Variants in UBE2R2 observed in about 807,000 individuals in gnomAD.
UBE2R2 encodes ubiquitin conjugating enzyme E2 R2.
In UBE2R2, 1 loss-of-function variant was observed where a neutral mutation model predicts 27.8. The ratio of observed to expected loss-of-function variants is 0.04; its 90% CI spans 0.01 to 0.17. The LOEUF (loss-of-function observed/expected upper bound fraction) is 0.17. Among genes scored for constraint, UBE2R2 ranks in the 10% least tolerant of loss-of-function variants. The pLI is 1.00. For missense variants in UBE2R2, 100 were observed against 291.0 expected (o/e 0.34, Z 4.78); for synonymous variants, 106 against 113.3 (o/e 0.94, Z 0.41).
intron 1 of UBE2R2, among the ~76,000 whole-genome samples, chr9:33,823,842 G>T (rs1286883838): frequency 6.6e-6 from 1 of 152,152 alleles, no homozygotes; most frequent in Non-Finnish European, 1.5e-5. Flanking sequence ...AAGGTATTTG[G>T]ATAGGCAACT....
intron 1 of UBE2R2, among the ~76,000 whole-genome samples, chr9:33,854,937 C>T (rs1010771064): frequency 2.0e-5 from 3 of 151,982 alleles, no homozygotes; most frequent in African/African-American, 7.3e-5. Context: ...GTCTTGAACT[C>T]CTGGGCTCAA....
rs182558929 is a variant in UBE2R2, at chr9:33,882,511, C to T, written c.178-4370C>T. Among the ~76,000 whole-genome samples the T allele has an allele frequency of 1.6e-4, 24 of 152,264 alleles. No individual in the cohort carries two copies. The East Asian group carries it at 4.5e-3, about 28-fold the overall frequency. ...TCTTGGCCAGGCTGGTCTTGAACTC[C>T]TGACCTCGTGATCCACCCGCCTAGG... On this transcript the variant is annotated intron_variant, in intron 1 of 4. Coordinates refer to ENST00000263228, the MANE Select transcript of UBE2R2 (RefSeq NM_017811.4).
chr9:33,890,487 G>C lies in UBE2R2; in HGVS notation c.264+3520G>C, dbSNP rs930717262. On this transcript the variant is annotated intron_variant, in intron 2 of 4. Coordinates refer to ENST00000263228, the MANE Select transcript of UBE2R2 (RefSeq NM_017811.4). The stretch of plus-strand genomic sequence containing the variant: ...CAGGATAAGGCAGGAGAATCGGCTT[G>C]AACCCGGGAGGCAGAGGTTGCAGTG... 2.6e-5 allele frequency among the ~76,000 whole-genome samples: 4 copies of C among 151,986 alleles called. No homozygotes were observed. In the South Asian group the frequency reaches 6.2e-4, roughly 24 times the overall value.
At chr9:33,831,074 C>CAAAAAAAAAAAA (rs60428230) in intron 1 of UBE2R2, 1 of 88,278 alleles carries the variant, frequency 1.1e-5, no homozygotes, top group Non-Finnish European at 2.3e-5. Flanking sequence ...ACTGAACTAG[C>CAAAAAAAAAAAA]AAAAAAAAAA....
In UBE2R2 at chr9:33,881,663, T is replaced by C. The variant is rs139137619; in HGVS notation, c.178-5218T>C. ...ATATTCCTCCATTTGGGTTATCTGA[T>C]GTTTTTCTCATGACTAGAATGGGGT... On this transcript the variant is annotated intron_variant, in intron 1 of 4. Transcript: ENST00000263228. Among the ~76,000 whole-genome samples the C allele has an allele frequency of 3.9e-4, 59 of 152,310 alleles. No homozygotes were observed. The East Asian group carries it at 9.3e-3, about 24-fold the overall frequency.
At chr9:33,897,060 G>A (rs1294389517) in intron 2 of UBE2R2, among the ~76,000 whole-genome samples, 3 of 97,324 alleles carry the variant, frequency 3.1e-5, no homozygotes, top group East Asian at 4.2e-4. Flanking sequence ...TTTTTGAGAC[G>A]GAGTCTCGCT....
chr9:33,851,274 T>G (rs1433159135), intron 1 of UBE2R2, among the ~76,000 whole-genome samples: 1 of 152,236 alleles, frequency 6.6e-6, no homozygotes, highest in Non-Finnish European at 1.5e-5. Flanking sequence ...ACCATTCCTC[T>G]GAATATTTTA....
chr9:33,843,974 T>C (rs2130743340), intron 1 of UBE2R2, among the ~76,000 whole-genome samples: 1 of 152,316 alleles, frequency 6.6e-6, no homozygotes, highest in East Asian at 1.9e-4. Context: ...GTAAAAAAGC[T>C]GATTTCCAAG....
chr9:33,822,977 T>C (rs1389884422), intron 1 of UBE2R2, among the ~76,000 whole-genome samples: 1 of 150,318 alleles, frequency 6.7e-6, no homozygotes, highest in Non-Finnish European at 1.5e-5. Flanking sequence ...TGATTTCGGC[T>C]CACTGCAACC....
chr9:33,836,294 A>T (rs1019433276), intron 1 of UBE2R2, among the ~76,000 whole-genome samples: 1 of 152,334 alleles, frequency 6.6e-6, no homozygotes, highest in East Asian at 1.9e-4. Flanking sequence ...AGCCTATACC[A>T]TCTAGGTACA....
At chr9:33,841,824 G>A (rs184553857) in intron 1 of UBE2R2, among the ~76,000 whole-genome samples, 2 of 152,222 alleles carry the variant, frequency 1.3e-5, no homozygotes, top group Non-Finnish European at 2.9e-5. Context: ...ATATTACACA[G>A]TAGTCTCAGA....
intron 2 of UBE2R2, among the ~76,000 whole-genome samples, chr9:33,891,047 G>GTGTTTTTTTGTTT (rs1821969500): frequency 7.9e-6 from 1 of 126,374 alleles, no homozygotes; most frequent in South Asian, 2.6e-4. Flanking sequence ...TTGTTGTTGT[G>GTGTTTTTTTGTTT]TTTTTTTGTT....
chr9:33,863,621 T>C lies in UBE2R2; in HGVS notation c.178-23260T>C, dbSNP rs187622013. ...GTTTATTTTGTATGTTTTGGAATTA[T>C]TATCATTTTAAACTTATATTAAGGA... On this transcript the variant is annotated intron_variant, in intron 1 of 4. Transcript: ENST00000263228. Among the ~76,000 whole-genome samples the C allele has an allele frequency of 1.3e-3, 191 of 152,322 alleles. 1 individual carries two copies. Among genetic ancestry groups the C allele is most frequent in the Admixed American group, 3.9e-3 (59 of 15,292 alleles).
chr9:33,913,714 G>A (rs1822556703), intron 4 of UBE2R2, among the ~76,000 whole-genome samples: 1 of 152,150 alleles, frequency 6.6e-6, no homozygotes, highest in South Asian at 2.1e-4. Context: ...TATGAAAAAA[G>A]TTAAAACAAT....
chr9:33,816,912 C>A (rs967954809), upstream of UBE2R2, among the ~76,000 whole-genome samples: 1 of 152,234 alleles, frequency 6.6e-6, no homozygotes, highest in Non-Finnish European at 1.5e-5. Flanking sequence ...GCCCTTGGTC[C>A]CCGCTGCTTC....
intron 4 of UBE2R2, among the ~76,000 whole-genome samples, chr9:33,914,049 C>T (rs767819828): frequency 9.2e-5 from 14 of 152,108 alleles, no homozygotes; most frequent in Admixed American, 2.6e-4. Flanking sequence ...TTTAAGGGTC[C>T]GTTTATCTCA....
chr9:33,842,507 T>C (rs1054807033), intron 1 of UBE2R2, among the ~76,000 whole-genome samples: 3 of 152,232 alleles, frequency 2.0e-5, no homozygotes, highest in Non-Finnish European at 2.9e-5. Flanking sequence ...TTTGGAGGGA[T>C]GGATAATTGC....
At chr9:33,913,505 T>G (rs1472192197) in intron 4 of UBE2R2, among the ~76,000 whole-genome samples, 1 of 152,086 alleles carries the variant, frequency 6.6e-6, no homozygotes, top group African/African-American at 2.4e-5. Flanking sequence ...CAAGTGATCC[T>G]CCTGCCTCAG....
At chr9:33,846,082 C>T (rs1186581827) in intron 1 of UBE2R2, among the ~76,000 whole-genome samples, 2 of 150,456 alleles carry the variant, frequency 1.3e-5, no homozygotes, top group Admixed American at 6.7e-5. Context: ...GCCAAGATCA[C>T]GCCACTGCCC....
Sources: gnomAD v4.1 joint callset for allele counts (sites outside exome capture counted in the v4.1 genomes callset) on GRCh38, gnomAD v4.1.1 for gene constraint, MANE v1.5 for transcripts, NCBI Gene and HGNC (gene_info 2026-07-23, HGNC 2026-07-21) for gene names.